ATP8A2: variants seen among roughly 807,000 people sequenced by gnomAD.
ATP8A2 encodes the protein phospholipid-transporting ATPase IB.
Under a neutral mutation model 165.6 loss-of-function variants are expected in ATP8A2, and 100 were observed. That is an observed-to-expected ratio of 0.60 (90% CI 0.51 to 0.71). ATP8A2 has a LOEUF of 0.71. ATP8A2 is among the 30% of genes least tolerant of loss of function. The pLI is 0.00. For synonymous variants in ATP8A2, 543 were observed against 548.8 expected, an observed-to-expected ratio of 0.99 and a Z score of 0.15; for missense variants, 1,227 against 1,479.5, an observed-to-expected ratio of 0.83 and a Z score of 2.80.
Position 25,935,935 on chromosome 13 carries a change from G to A in ATP8A2, c.3184-25640G>A, listed in dbSNP as rs1954874685. On this transcript the variant is annotated intron_variant, in intron 33 of 36. Coordinates refer to ENST00000381655, the MANE Select transcript of ATP8A2 (RefSeq NM_016529.6). ...TGCAGGTAATATGAGACCTTTGGTGGAGGTTAAGCCTAAGGATTTCATAAA... is the reference window on the plus strand; with the variant it reads ...TGCAGGTAATATGAGACCTTTGGTGAAGGTTAAGCCTAAGGATTTCATAAA... Among the ~76,000 whole-genome samples the A allele has an allele frequency of 2.0e-5, 3 of 152,300 alleles. 1 individual carries two copies. In the South Asian group the frequency reaches 6.2e-4, roughly 32 times the overall value.
At chr13:25,785,961 T>C (rs192862206) in intron 27 of ATP8A2, among the ~76,000 whole-genome samples, 1 of 152,358 alleles carries the variant, frequency 6.6e-6, no homozygotes, top group East Asian at 1.9e-4. Context: ...ATATGTTCCC[T>C]TCTGCTCCTT....
At position 25,769,094 on chromosome 13, in the gene ATP8A2, G is replaced by A. The variant is rs2138289224; in HGVS notation, c.2433G>A (p.Arg811=). Residue 811 remains arginine (R), a synonymous_variant, in exon 26 of 37, where the codon CGG becomes CGA. Coordinates refer to ENST00000381655, the MANE Select transcript of ATP8A2 (RefSeq NM_016529.6). ...AGATAGTGGATGTGGTGAAGAAGCG[G>A]GTGAAGGCCATCACCCTCGCCATCG... ...KSEIVDVVKK[R]VKAITLAIGD... is the part of the protein sequence containing the mutation. 3 of 1,614,236 alleles carry A rather than the reference G, an allele frequency of 1.9e-6. 1 individual carries two copies. Among genetic ancestry groups the A allele is most frequent in the African/African-American group, 2.7e-5 (2 of 75,062 alleles).
intron 26 of ATP8A2, among the ~76,000 whole-genome samples, chr13:25,770,110 A>G (rs895156953): frequency 1.4e-4 from 22 of 152,194 alleles, no homozygotes; most frequent in African/African-American, 4.8e-4. Context: ...CGTAAGCTGA[A>G]CTAACTTTGA....
At chr13:25,883,038 A>G (rs1241274810) in intron 33 of ATP8A2, among the ~76,000 whole-genome samples, 3 of 152,044 alleles carry the variant, frequency 2.0e-5, no homozygotes, top group Non-Finnish European at 4.4e-5. Flanking sequence ...CACTGTACCT[A>G]TTCTCTATGA....
chr13:25,482,225 A>T (rs1389624703), intron 2 of ATP8A2, among the ~76,000 whole-genome samples: 1 of 152,228 alleles, frequency 6.6e-6, no homozygotes, highest in Non-Finnish European at 1.5e-5. Flanking sequence ...CCATCTGGTC[A>T]GACCCAGTCT....
At chr13:25,784,082 G>A (rs971263589) in intron 27 of ATP8A2, among the ~76,000 whole-genome samples, 4 of 152,176 alleles carry the variant, frequency 2.6e-5, no homozygotes, top group Non-Finnish European at 5.9e-5. Flanking sequence ...CCCTTTCCAT[G>A]TGACAATCTA....
intron 23 of ATP8A2, among the ~76,000 whole-genome samples, chr13:25,588,936 C>T (rs1173164371): frequency 6.6e-6 from 1 of 152,120 alleles, no homozygotes; most frequent in East Asian, 1.9e-4. Context: ...CATGACTGCT[C>T]ACCCAGGGCA....
rs541803684 is a variant in ATP8A2, at chr13:25,885,869, C to T, written c.3183+23461C>T. 2.7e-4 allele frequency among the ~76,000 whole-genome samples: 41 copies of T among 152,188 alleles called. No individual in the cohort carries two copies. In the South Asian group the frequency reaches 8.1e-3, roughly 30 times the overall value. On this transcript the variant is annotated intron_variant, in intron 33 of 36. Transcript: ENST00000381655. ...ACGATTCTCTCTTGCCCTGGGTAAT[C>T]CACTATTAACCGTTAATAACCAGGA...
chr13:25,481,054 G>T (rs913009557), intron 2 of ATP8A2, among the ~76,000 whole-genome samples: 3 of 152,098 alleles, frequency 2.0e-5, no homozygotes, highest in African/African-American at 7.2e-5. Flanking sequence ...CACTAGGCAG[G>T]CTGAGGCAGG....
rs537112653 is a variant in ATP8A2 at position 25,817,416 on chromosome 13, A to G, written c.2680-10702A>G. 1.8e-3 allele frequency among the ~76,000 whole-genome samples: 273 copies of G among 151,846 alleles called. 2 individuals carry two copies. Among genetic ancestry groups the G allele is most frequent in the African/African-American group, 6.3e-3 (261 of 41,370 alleles). On this transcript the variant is annotated intron_variant, in intron 27 of 36. Coordinates refer to ENST00000381655, the MANE Select transcript of ATP8A2 (RefSeq NM_016529.6). ...CCATAGAGTAAGCATGTAGTTTTGC[A>G]GAAACAGAGACATTTTATAACGCTG...
chr13:25,882,008 A>AG (rs1162851461), intron 33 of ATP8A2, among the ~76,000 whole-genome samples: 31 of 152,252 alleles, frequency 2.0e-4, no homozygotes, highest in African/African-American at 7.2e-4. Flanking sequence ...CAAAGAGAAA[A>AG]AAGAGCCTGG....
intron 24 of ATP8A2, among the ~76,000 whole-genome samples, chr13:25,605,528 A>C (rs1434622728): frequency 1.3e-5 from 2 of 152,140 alleles, no homozygotes. Context: ...GTTTATATAA[A>C]TTTTTGGCTC....
At chr13:25,791,557 A>ACACG (rs2045178112) in intron 27 of ATP8A2, among the ~76,000 whole-genome samples, 1 of 151,442 alleles carries the variant, frequency 6.6e-6, no homozygotes, top group African/African-American at 2.4e-5. Context: ...ACACACACAC[A>ACACG]CACACACACA....
chr13:25,584,943 G>T (rs1301199140), intron 23 of ATP8A2, among the ~76,000 whole-genome samples: 6 of 151,840 alleles, frequency 4.0e-5, no homozygotes, highest in Admixed American at 3.9e-4. Context: ...ATTATCTTTG[G>T]TGTTTGGAGG....
intron 30 of ATP8A2, among the ~76,000 whole-genome samples, chr13:25,847,860 C>T (rs1001074898): frequency 1.3e-5 from 2 of 152,156 alleles, no homozygotes; most frequent in African/African-American, 4.8e-5. Context: ...AGCCCACACC[C>T]CCAGCCACCT....
At chr13:25,499,945 G>A (rs1469440179) in intron 2 of ATP8A2, among the ~76,000 whole-genome samples, 1 of 152,140 alleles carries the variant, frequency 6.6e-6, no homozygotes, top group Non-Finnish European at 1.5e-5. Flanking sequence ...AAGATACCAG[G>A]CAGAGAAGAC....
intron 30 of ATP8A2, among the ~76,000 whole-genome samples, chr13:25,852,459 G>C (rs1177372428): frequency 6.6e-6 from 1 of 152,140 alleles, no homozygotes. Flanking sequence ...TCCCGGAGTT[G>C]TTCACTTTCT....
At chr13:25,801,975 A>C (rs1005436634) in intron 27 of ATP8A2, among the ~76,000 whole-genome samples, 7 of 152,206 alleles carry the variant, frequency 4.6e-5, no homozygotes, top group African/African-American at 1.4e-4. Context: ...CGAGAATAAC[A>C]TGTAGGTATC....
At chr13:25,820,585 G>T (rs574065160) in intron 27 of ATP8A2, among the ~76,000 whole-genome samples, 1 of 152,258 alleles carries the variant, frequency 6.6e-6, no homozygotes, top group South Asian at 2.1e-4. Flanking sequence ...TGCGTTTAGT[G>T]TACACAGCTG....
Sources: gnomAD v4.1 joint callset for allele counts (sites outside exome capture counted in the v4.1 genomes callset) on GRCh38, gnomAD v4.1.1 for gene constraint, MANE v1.5 for transcripts, NCBI Gene and HGNC (gene_info 2026-07-23, HGNC 2026-07-21) for gene names.